CNNM2: variants seen among roughly 807,000 people sequenced by gnomAD.
CNNM2 encodes cyclin and CBS domain divalent metal cation transport mediator 2.
A neutral mutation model predicts 66.9 loss-of-function variants in CNNM2; 12 were observed. The ratio of observed to expected loss-of-function variants is 0.18; its 90% CI spans 0.11 to 0.29. CNNM2 has a LOEUF of 0.29. Among genes scored for constraint, CNNM2 ranks in the 10% least tolerant of loss-of-function variants. The pLI is 1.00. For missense variants in CNNM2, 705 were observed against 1,167.7 expected (o/e 0.60, Z 5.77); for synonymous variants, 557 against 501.8 (o/e 1.11, Z -1.47).
At chr10:102,925,296 CAAAAAA>C (rs10624810) in intron 1 of CNNM2, among the ~76,000 whole-genome samples, 5 of 17,760 alleles carry the variant, frequency 2.8e-4, no homozygotes, top group African/African-American at 9.5e-4. Context: ...AACTCCATCT[CAAAAAA>C]AAAAAAAAAA....
intron 1 of CNNM2, among the ~76,000 whole-genome samples, chr10:102,984,967 A>C (rs1169805145): frequency 6.6e-6 from 1 of 152,076 alleles, no homozygotes; most frequent in African/African-American, 2.4e-5. Flanking sequence ...TTTAAATGTC[A>C]GTTTGTTAAG....
chr10:102,989,104 A>T (rs1447838004), intron 1 of CNNM2, among the ~76,000 whole-genome samples: 1 of 152,190 alleles, frequency 6.6e-6, no homozygotes, highest in African/African-American at 2.4e-5. Context: ...ACAATTCTAA[A>T]TATTTAGTTC....
chr10:102,979,216 T>C (rs2063683422), intron 1 of CNNM2, among the ~76,000 whole-genome samples: 1 of 152,198 alleles, frequency 6.6e-6, no homozygotes, highest in African/African-American at 2.4e-5. Flanking sequence ...TCCAAAATGG[T>C]TGTACCCCAG....
chr10:103,040,101 A>T lies in CNNM2; in HGVS notation c.1622-9606A>T, dbSNP rs545577317. ...AGAATCACTTGAACCTGGGAGGTAG[A>T]GGTTGTAATGAGCCAAGATTGTACC... On this transcript the variant is annotated intron_variant, in intron 1 of 7. Transcript: ENST00000369878. Among the ~76,000 whole-genome samples, 31 of 152,170 alleles carry T rather than the reference A, an allele frequency of 2.0e-4. No homozygotes were observed. The East Asian group carries it at 5.8e-3, about 29-fold the overall frequency.
intron 1 of CNNM2, among the ~76,000 whole-genome samples, chr10:103,048,576 G>C (rs1454582932): frequency 7.1e-6 from 1 of 141,248 alleles, no homozygotes; most frequent in East Asian, 1.9e-4. Context: ...ACTGCCTATT[G>C]TTTTCCTTGA....
At chr10:102,969,129 A>G (rs2063511624) in intron 1 of CNNM2, among the ~76,000 whole-genome samples, 1 of 148,378 alleles carries the variant, frequency 6.7e-6, no homozygotes, top group Non-Finnish European at 1.5e-5. Context: ...TGTCCAGGCT[A>G]GTTTTGAACT....
At chr10:103,002,758 C>T (rs1217821178) in intron 1 of CNNM2, among the ~76,000 whole-genome samples, 4 of 152,050 alleles carry the variant, frequency 2.6e-5, no homozygotes, top group African/African-American at 4.8e-5. Context: ...GGATTACAGG[C>T]GTGAGCCACT....
rs2065807185 is a variant in CNNM2, at chr10:103,086,219, T to C, written c.*9039T>C. 2 of 152,214 alleles carry C rather than the reference T, an allele frequency of 1.3e-5. No homozygotes were observed. The highest frequency in any genetic ancestry group is 4.1e-4 in the South Asian group (2 of 4,830). 9.4% of individuals were successfully genotyped at this position (152,214 alleles called of 1,614,324 possible). On this transcript the variant is annotated 3_prime_UTR_variant, in exon 8 of 8. Transcript: ENST00000369878. The stretch of plus-strand genomic sequence containing the variant: ...CCAAAAGTTGTGTATCATTTGAAAT[T>C]GTTCTATTTGAGGAAAAACTTTTAA...
intron 1 of CNNM2, among the ~76,000 whole-genome samples, chr10:102,994,865 A>G (rs2063960390): frequency 6.6e-6 from 1 of 152,238 alleles, no homozygotes; most frequent in South Asian, 2.1e-4. Flanking sequence ...GTTAGTGCAT[A>G]TGATTGGTGG....
chr10:103,029,892 A>T, intron 1 of CNNM2, among the ~76,000 whole-genome samples: 1 of 151,622 alleles, frequency 6.6e-6, no homozygotes, highest in South Asian at 2.1e-4. Flanking sequence ...ATCTCAGAGG[A>T]GAGTGAGATA....
chr10:102,942,596 A>G (rs200948456), intron 1 of CNNM2, among the ~76,000 whole-genome samples: 1 of 152,298 alleles, frequency 6.6e-6, no homozygotes, highest in East Asian at 1.9e-4. Flanking sequence ...CCTTTTGGCT[A>G]TTGTGAATAA....
At chr10:103,015,292 G>T (rs1053613374) in intron 1 of CNNM2, among the ~76,000 whole-genome samples, 1 of 152,142 alleles carries the variant, frequency 6.6e-6, no homozygotes, top group Non-Finnish European at 1.5e-5. Flanking sequence ...CTTTCATAGT[G>T]GTGGGATTGT....
chr10:102,982,034 A>G (rs1397348026), intron 1 of CNNM2, among the ~76,000 whole-genome samples: 1 of 152,170 alleles, frequency 6.6e-6, no homozygotes, highest in Non-Finnish European at 1.5e-5. Flanking sequence ...TATATCCACT[A>G]CATATTCAGA....
At position 103,054,223 on chromosome 10, in the gene CNNM2, A is replaced by G; in HGVS notation, c.1766-106A>G. ...TGTGCATAGAGCGCCTGCATCTGGA[A>G]ATACAGTCCAGCTCTTCCAATATAT... On this transcript the variant is annotated intron_variant, in intron 2 of 7. Transcript: ENST00000369878. The surrounding 1 kb of genome is among the most constrained non-coding windows in gnomAD (Gnocchi z 5.2). 7.6e-7 allele frequency: 1 copy of G among 1,310,612 alleles called. No homozygotes were observed. Among genetic ancestry groups the G allele is most frequent in the Non-Finnish European group, 1.0e-6 (1 of 953,150 alleles). The allele number at this position is 1,310,612 out of a possible 1,614,324, so 81.2% of individuals were successfully genotyped here. A position where few individuals can be genotyped will look rare whatever the true frequency, so the allele number is the denominator to read the frequency against.
At chr10:103,002,850 C>G (rs1057175143) in intron 1 of CNNM2, among the ~76,000 whole-genome samples, 1 of 152,178 alleles carries the variant, frequency 6.6e-6, no homozygotes, top group African/African-American at 2.4e-5. Context: ...TTGGCAGTTA[C>G]TCCAAATGCT....
intron 1 of CNNM2, among the ~76,000 whole-genome samples, chr10:103,035,125 TAAAA>T (rs1334068839): frequency 6.6e-6 from 1 of 151,744 alleles, no homozygotes; most frequent in Non-Finnish European, 1.5e-5. Context: ...TCTTGAAAAA[TAAAA>T]AATAACTCCT....
Position 103,083,208 on chromosome 10 carries a change from C to G in CNNM2, c.*6028C>G, listed in dbSNP as rs918296842. 33 of 152,292 alleles carry G rather than the reference C, an allele frequency of 2.2e-4. No individual in the cohort carries two copies. The highest frequency in any genetic ancestry group is 6.5e-4 in the African/African-American group (27 of 41,550). 9.4% of individuals were successfully genotyped at this position (152,292 alleles called of 1,614,324 possible). A position where few individuals can be genotyped will look rare whatever the true frequency, so the allele number is the denominator to read the frequency against. On this transcript the variant is annotated 3_prime_UTR_variant, in exon 8 of 8. Transcript: ENST00000369878. ...AGCTGTGTACATAAACCTAAATAAGCACAAATGACATGTATAGGATTGAGC... is the reference window on the plus strand; with the variant it reads ...AGCTGTGTACATAAACCTAAATAAGGACAAATGACATGTATAGGATTGAGC...
At chr10:103,060,805 T>C (rs547428230) in intron 4 of CNNM2, among the ~76,000 whole-genome samples, 1 of 152,322 alleles carries the variant, frequency 6.6e-6, no homozygotes, top group South Asian at 2.1e-4. Flanking sequence ...GAAGACTGAC[T>C]TCTTCCTTGC....
At chr10:103,067,270 G>T (rs1047179845) in intron 4 of CNNM2, among the ~76,000 whole-genome samples, 1 of 151,910 alleles carries the variant, frequency 6.6e-6, no homozygotes, top group Admixed American at 6.6e-5. Context: ...GTCTTGCTGT[G>T]TTGCCCAGGC....
Sources: gnomAD v4.1 joint callset for allele counts (sites outside exome capture counted in the v4.1 genomes callset) on GRCh38, gnomAD v4.1.1 for gene constraint, Gnocchi (gnomAD v3.1) non-coding constraint, MANE v1.5 for transcripts, NCBI Gene and HGNC (gene_info 2026-07-23, HGNC 2026-07-21) for gene names.